The following SLC23A3 variants were observed in gnomAD, a reference collection of about 807,000 sequenced individuals.
The protein encoded by SLC23A3 is solute carrier family 23 member 3, also known as E2-binding protein 3.
A neutral mutation model predicts 64.7 loss-of-function variants in SLC23A3; 41 were observed. The observed-to-expected ratio is 0.63, with a 90% CI of 0.49 to 0.82. SLC23A3 has a LOEUF of 0.82. Among genes scored for constraint, SLC23A3 ranks in the 40% least tolerant of loss-of-function variants. SLC23A3 has a pLI of 0.00. For missense variants in SLC23A3, 647 were observed against 733.4 expected, an observed-to-expected ratio of 0.88 and a Z score of 1.36; for synonymous variants, 281 against 306.8, an observed-to-expected ratio of 0.92 and a Z score of 0.88.
chr2:219,163,964 A>T (rs1559208544), intron 9 of SLC23A3, among the ~76,000 whole-genome samples: 1 of 151,762 alleles, frequency 6.6e-6, no homozygotes, highest in Admixed American at 6.6e-5. Context: ...GGCCTCCCAA[A>T]GTGCTGGGAT....
rs955987861 is a variant in SLC23A3, at chr2:219,169,508, AG to A, written c.320+12del. 5.6e-6 allele frequency: 9 copies of A among 1,613,904 alleles called. No homozygotes were observed. In the African/African-American group the frequency reaches 1.1e-4, roughly 19 times the overall value. On this transcript the variant is annotated intron_variant, in intron 2 of 11. Coordinates refer to ENST00000409878, the MANE Select transcript of SLC23A3 (RefSeq NM_001144889.2). The surrounding 1 kb of genome is among the most constrained non-coding windows in gnomAD (Gnocchi z 4.5). ...CAGGACTCTGCCCCTCTCTCCAGGG[AG>A]GTTCCTCTCACCTGCTGCCCATCCA...
rs561077526 is a variant in SLC23A3 at position 219,169,950 on chromosome 2, C to T, written c.35G>A (p.Arg12Gln). ...CAGGGCATCCTGGGAGCCCACTGAT[C>T]GGAGTTGGCTGGGATTGAGGGGTGA... ...SRSPLNPSQL[R>Q]SVGSQDALAP... Residue 12 changes from arginine to glutamine, a missense_variant, in exon 1 of 12, where the codon CGA becomes CAA. Coordinates refer to ENST00000409878, the MANE Select transcript of SLC23A3 (RefSeq NM_001144889.2). This position sits in a 1 kb window ranked among gnomAD's most constrained non-coding sequence, Gnocchi z 4.5. The T allele has an allele frequency of 5.6e-6, 9 of 1,613,982 alleles. No homozygotes were observed. In the African/African-American group the frequency reaches 6.7e-5, roughly 12 times the overall value.
intron 4 of SLC23A3, 40 bp downstream of exon 4, chr2:219,168,989 C>T (rs1283388733): frequency 6.3e-7 from 1 of 1,597,498 alleles, no homozygotes; most frequent in Admixed American, 1.7e-5. Context: ...CCCCCCAAGC[C>T]TGGCACCACC....
Position 219,162,405 on chromosome 2 carries a change from T to G in SLC23A3, c.1442-11A>C, listed in dbSNP as rs1014555068. On this transcript the variant is annotated splice_polypyrimidine_tract_variant and intron_variant, in intron 10 of 11. Transcript: ENST00000409878. ...CCAAGGGGCTCCAGCCTATGAAGAG[T>G]TGGGGCCAGGCAGGAAGGGAACTCT... 9 of 1,606,572 alleles carry G rather than the reference T, an allele frequency of 5.6e-6. No individual in the cohort carries two copies. The highest frequency in any genetic ancestry group is 2.7e-5 in the African/African-American group (2 of 74,646).
At chr2:219,165,019 T>A in intron 8 of SLC23A3, 150 bp downstream of exon 8, 1 of 1,075,192 alleles carries the variant, frequency 9.3e-7, no homozygotes, top group Non-Finnish European at 1.3e-6. Context: ...CCCCACTCTC[T>A]TAGCCCAAAG....
intron 8 of SLC23A3, 171 bp from the exon 9 acceptor site, chr2:219,164,509 T>C: frequency 1.8e-6 from 1 of 561,990 alleles, no homozygotes; most frequent in African/African-American, 1.9e-5. Context: ...ACTACCCTGA[T>C]TTTTTTATAT....
rs749457353 is a variant in SLC23A3 at position 219,162,072 on chromosome 2, CAG to C, written c.1668_1669del (p.Cys557SerfsTer15). On this transcript the variant is annotated frameshift_variant, in exon 12 of 12. Transcript: ENST00000409878. LOFTEE classifies it high-confidence loss of function. The stretch of plus-strand genomic sequence containing the variant: ...GTGGAGAGGCTGGGGGATGCAGGGA[CAG>C]AGGTTTTGGATGGGGAAAGGAAGTC... 1.2e-6 allele frequency: 2 copies of C among 1,614,014 alleles called. No individual in the cohort carries two copies. Among genetic ancestry groups the C allele is most frequent in the African/African-American group, 1.3e-5 (1 of 74,912 alleles).
At position 219,169,074 on chromosome 2, in the gene SLC23A3, T is replaced by C. The variant is rs761770742; in HGVS notation, c.447A>G (p.Gly149=). 2 of 1,613,892 alleles carry C rather than the reference T, an allele frequency of 1.2e-6. No homozygotes were observed. Among genetic ancestry groups the C allele is most frequent in the Non-Finnish European group, 1.7e-6 (2 of 1,179,956 alleles). ...AGTGCCCCAGGCCATGGCAGCTAGG[T>C]CCCCTACAAAGGTGCAGCATGAGGG... ...NSSLMLHLCR[G]PSCHGLGHWN... is the part of the protein sequence containing the mutation. The change falls in exon 4 of 12, where the codon GGA becomes GGG. Residue 149 remains glycine, a synonymous_variant. Coordinates refer to ENST00000409878, the MANE Select transcript of SLC23A3 (RefSeq NM_001144889.2). The surrounding 1 kb of genome is among the most constrained non-coding windows in gnomAD (Gnocchi z 4.5).
intron 8 of SLC23A3, 130 bp from the exon 9 acceptor site, chr2:219,164,468 A>C (rs1355936458): frequency 1.5e-6 from 1 of 649,668 alleles, no homozygotes; most frequent in Non-Finnish European, 2.8e-6. Flanking sequence ...CTTCCTGGCC[A>C]GTCTATCTAA....
At position 219,169,878 on chromosome 2, in the gene SLC23A3, C is replaced by T. The variant is rs1950044503; in HGVS notation, c.107G>A (p.Trp36Ter). The T allele has an allele frequency of 1.9e-6, 3 of 1,613,546 alleles. No homozygotes were observed. Among genetic ancestry groups the T allele is most frequent in the Admixed American group, 3.3e-5 (2 of 59,828 alleles). ...AGGCAGAGATCCACACAAAGGGTCC[C>T]AAGAGTGGGTGGAGGGATTCTGGGG... ...PAPQNPSTHS[W>*]DPLCGSLPWG... The change falls in exon 1 of 12, where the codon TGG becomes TAG. Residue 36 changes from tryptophan to a stop codon, truncating the protein, a stop_gained. Transcript: ENST00000409878. LOFTEE classifies it high-confidence loss of function. The surrounding 1 kb of genome is among the most constrained non-coding windows in gnomAD (Gnocchi z 4.5).
At chr2:219,166,727 T>A (rs1477675201) in intron 7 of SLC23A3, among the ~76,000 whole-genome samples, 3 of 151,328 alleles carry the variant, frequency 2.0e-5, no homozygotes, top group Non-Finnish European at 2.9e-5. Context: ...TAGAGTGGAG[T>A]CTTGCTTTAT....
Position 219,168,738 on chromosome 2 carries a change from C to A in SLC23A3, c.588G>T (p.Val196=), listed in dbSNP as rs201854832. The change falls in exon 5 of 12, where the codon GTG becomes GTT. Residue 196 remains valine (V), a synonymous_variant. Transcript: ENST00000409878. ...GHVFPHCGPL[V]LAPSLVVAGL... Reference sequence around the variant, plus strand: ...CTGCCACAACCAGGCTGGGAGCCAGCACCAGGGGCCCACAGTGGGGGAACA... The same window carrying A: ...CTGCCACAACCAGGCTGGGAGCCAGAACCAGGGGCCCACAGTGGGGGAACA... The A allele has an allele frequency of 3.1e-6, 5 of 1,613,416 alleles. No individual in the cohort carries two copies. The African/African-American group carries it at 6.7e-5, about 21-fold the overall frequency.
chr2:219,162,618 C>G (rs1036111683), intron 10 of SLC23A3, among the ~76,000 whole-genome samples: 1 of 152,144 alleles, frequency 6.6e-6, no homozygotes, highest in Non-Finnish European at 1.5e-5. Context: ...ATCCACACAC[C>G]CTCCATATAT....
In SLC23A3 at chr2:219,168,225, G is replaced by A. The variant is rs780229079; in HGVS notation, c.768C>T (p.His256=). 3.7e-6 allele frequency: 6 copies of A among 1,614,096 alleles called. No homozygotes were observed. The South Asian group carries it at 6.6e-5, about 18-fold the overall frequency. ...PWRRASTSST[H]TPLPVFRLLS... ...GGAGCCGGAAGACAGGGAGAGGAGT[G>A]TGAGTTGATGACGTTGAAGCTCGCC... Residue 256 remains histidine, a synonymous_variant, in exon 6 of 12, where the codon CAC becomes CAT. Coordinates refer to ENST00000409878, the MANE Select transcript of SLC23A3 (RefSeq NM_001144889.2).
chr2:219,163,919 C>T (rs1949975893), intron 9 of SLC23A3, among the ~76,000 whole-genome samples: 1 of 152,158 alleles, frequency 6.6e-6, no homozygotes, highest in South Asian at 2.1e-4. Context: ...CCAGGCTGAT[C>T]TCGAACTCCT....
chr2:219,169,199 A>G lies in SLC23A3; in HGVS notation c.419-97T>C. The G allele has an allele frequency of 6.2e-7, 1 of 1,606,748 alleles. No homozygotes were observed. ...CCTGGCACAGGTCCAAGCCCCCTAT[A>G]GTGTCACAGTCTCACCACTGCCCAA... On this transcript the variant is annotated intron_variant, in intron 3 of 11. Transcript: ENST00000409878. The surrounding 1 kb of genome is among the most constrained non-coding windows in gnomAD (Gnocchi z 4.5).
intron 5 of SLC23A3, 126 bp from the exon 6 acceptor site, chr2:219,168,444 G>A: frequency 1.6e-6 from 2 of 1,251,142 alleles, no homozygotes; most frequent in Non-Finnish European, 2.2e-6. Flanking sequence ...CCCATGGAAG[G>A]AATAGGAAGT....
In SLC23A3 at chr2:219,161,761, C is replaced by T. The variant is rs1949944388; in HGVS notation, c.*148G>A. 1 of 803,392 alleles carries T rather than the reference C, an allele frequency of 1.2e-6. No homozygotes were observed. Among genetic ancestry groups the T allele is most frequent in the Non-Finnish European group, 1.9e-6 (1 of 537,436 alleles). The allele number at this position is 803,392 out of a possible 1,614,324, so 49.8% of individuals were successfully genotyped here. A position where few individuals can be genotyped will look rare whatever the true frequency, so the allele number is the denominator to read the frequency against. On this transcript the variant is annotated 3_prime_UTR_variant, in exon 12 of 12. Transcript: ENST00000409878. Reference sequence around the variant, plus strand: ...CTAATTAAGACAAGGAAAGGCAACCCACCCTATTGGGAAATGGAACCTCTA... The same window carrying T: ...CTAATTAAGACAAGGAAAGGCAACCTACCCTATTGGGAAATGGAACCTCTA...
rs904362912 is a variant in SLC23A3 at position 219,168,542 on chromosome 2, T to C, written c.674+110A>G. ...TCTTGGATTCCAAATATAAAATATG[T>C]CCCTATTCCAGTCGCTGCTGAATCT... On this transcript the variant is annotated intron_variant, in intron 5 of 11. Coordinates refer to ENST00000409878, the MANE Select transcript of SLC23A3 (RefSeq NM_001144889.2). 5 of 1,183,856 alleles carry C rather than the reference T, an allele frequency of 4.2e-6. No homozygotes were observed. The South Asian group carries it at 7.9e-5, about 19-fold the overall frequency. 73.3% of individuals were successfully genotyped at this position (1,183,856 alleles called of 1,614,324 possible).
Sources: allele counts gnomAD v4.1 joint callset (sites outside exome capture counted in the v4.1 genomes callset), GRCh38; gene constraint gnomAD v4.1.1; non-coding constraint Gnocchi (gnomAD v3.1); transcripts MANE v1.5; gene names NCBI Gene and HGNC (gene_info 2026-07-23, HGNC 2026-07-21).